Variants in DPEP3 observed in about 807,000 individuals in gnomAD.
The protein encoded by DPEP3 is membrane-bound dipeptidase 3.
A neutral mutation model predicts 47.5 loss-of-function variants in DPEP3; 42 were observed. That is an observed-to-expected ratio of 0.88 (90% CI 0.69 to 1.14). The LOEUF (loss-of-function observed/expected upper bound fraction) is 1.14, where lower values mean the gene tolerates loss of function less well. Ranked by LOEUF, DPEP3 falls within the 50% of genes most tolerant of loss-of-function variation. The pLI is 0.00. For synonymous variants in DPEP3, 276 were observed against 270.2 expected (o/e 1.02, Z -0.21); for missense variants, 560 against 635.0 (o/e 0.88, Z 1.27).
Position 67,978,354 on chromosome 16 carries a change from G to C in DPEP3, c.599C>G (p.Ser200Ter), listed in dbSNP as rs2031246916. ...ACLIGVEGGH[S>*]LDSSLSVLRS... ...CAGCACAGAGAGGCTGCTGTCCAGT[G>C]AGTGACCACCCTCCACGCCAATGAG... Residue 200 changes from serine to a stop codon, truncating the protein, a stop_gained, in exon 4 of 10, where the codon TCA (serine) becomes TGA (stop). Transcript: ENST00000268793. LOFTEE classifies it high-confidence loss of function. This position sits in a 1 kb window ranked among gnomAD's most constrained non-coding sequence, Gnocchi z 4.4. The C allele has an allele frequency of 6.2e-7, 1 of 1,613,990 alleles. No individual in the cohort carries two copies. The highest frequency in any genetic ancestry group is 8.5e-7 in the Non-Finnish European group (1 of 1,179,964).
chr16:67,978,256 G>A lies in DPEP3; in HGVS notation c.686+11C>T. Reference sequence around the variant, plus strand: ...ATGCCATCTAGCATCCTGGCCAGGTGTTATGCTCACCATGGTGTACTGCAG... The same window carrying A: ...ATGCCATCTAGCATCCTGGCCAGGTATTATGCTCACCATGGTGTACTGCAG... On this transcript the variant is annotated intron_variant, in intron 4 of 9. Transcript: ENST00000268793. The surrounding 1 kb of genome is among the most constrained non-coding windows in gnomAD (Gnocchi z 4.4). 3 of 1,614,094 alleles carry A rather than the reference G, an allele frequency of 1.9e-6. No individual in the cohort carries two copies. The Admixed American group carries it at 5.0e-5, about 27-fold the overall frequency.
At chr16:67,979,954 A>C in intron 1 of DPEP3, 140 bp downstream of exon 1, 2 of 1,368,924 alleles carry the variant, frequency 1.5e-6, no homozygotes, top group Non-Finnish European at 2.0e-6. Context: ...AAGGGCACCC[A>C]TGGGTGATGG....
chr16:67,975,899 G>T lies in DPEP3; in HGVS notation c.1333C>A (p.Gln445Lys), dbSNP rs1232796858. The T allele has an allele frequency of 1.2e-6, 2 of 1,613,718 alleles. No individual in the cohort carries two copies. Among genetic ancestry groups the T allele is most frequent in the Non-Finnish European group, 1.7e-6 (2 of 1,179,848 alleles). Residue 445 changes from glutamine (Q) to lysine (K), a missense_variant, in exon 10 of 10, where the codon CAG becomes AAG. Physicochemically the swap from Gln to Lys is moderately conservative, Grantham distance 53 (BLOSUM62 1). Coordinates refer to ENST00000268793, the MANE Select transcript of DPEP3 (RefSeq NM_001370198.1). ...TTGGTCACCTCCAGATGAGTAGCCT[G>T]GTGTCCATTCTGAGGCACGAGGTGG... ...HSHLVPQNGHQATHLEVTKQP... is the reference protein window; with the variant it reads ...HSHLVPQNGHKATHLEVTKQP...
In DPEP3 at chr16:67,977,322, C is replaced by T; in HGVS notation, c.966G>A (p.Leu322=). 1 of 1,613,954 alleles carries T rather than the reference C, an allele frequency of 6.2e-7. No homozygotes were observed. Among genetic ancestry groups the T allele is most frequent in the Non-Finnish European group, 8.5e-7 (1 of 1,179,886 alleles). The part of the protein sequence containing the change: ...KKNGGIVMVT[L]SMGVLQCNLL... ...GGTTGCACTGCAGCACCCCCATGGA[C>T]AGTGTCACCATCACGATGCCACCGT... The change falls in exon 7 of 10, where the codon CTG becomes CTA. Residue 322 remains leucine, a synonymous_variant. Transcript: ENST00000268793.
At chr16:67,979,147 C>A (rs1278481985) in intron 2 of DPEP3, among the ~76,000 whole-genome samples, 2 of 152,070 alleles carry the variant, frequency 1.3e-5, no homozygotes, top group African/African-American at 2.4e-5. Context: ...TCTACTAAAA[C>A]TACAAAAATT....
rs1260897357 is a variant in DPEP3 at position 67,980,315 on chromosome 16, G to C, written c.66C>G (p.Leu22=). ...LSRRYLRRLL[L]LLLLLLLRQP... The stretch of plus-strand genomic sequence containing the variant: ...GCCGCAGCAGCAGCAGCAGTAGCAG[G>C]AGCAGCAGACGCCGCAGATACCGCC... Residue 22 remains leucine (L), a synonymous_variant, in exon 1 of 10, where the codon CTC becomes CTG. Transcript: ENST00000268793. 1.9e-6 allele frequency: 3 copies of C among 1,561,730 alleles called. No homozygotes were observed. The African/African-American group carries it at 4.1e-5, about 21-fold the overall frequency.
Position 67,978,113 on chromosome 16 carries a change from A to T in DPEP3, c.687-106T>A. On this transcript the variant is annotated intron_variant, in intron 4 of 9. Transcript: ENST00000268793. This position sits in a 1 kb window ranked among gnomAD's most constrained non-coding sequence, Gnocchi z 4.4. ...CATCCTGCTTCCAGAACAGGTGCAG[A>T]ACCAGCTGCTTTCTGGGATTGTGAG... is the stretch of plus-strand genomic sequence containing the variant. 6.4e-7 allele frequency: 1 copy of T among 1,574,728 alleles called. No homozygotes were observed. The highest frequency in any genetic ancestry group is 8.7e-7 in the Non-Finnish European group (1 of 1,147,836).
chr16:67,976,377 G>A (rs1442784341), intron 8 of DPEP3, 149 bp from the exon 9 acceptor site: 1 of 1,121,590 alleles, frequency 8.9e-7, no homozygotes, highest in Non-Finnish European at 1.2e-6. Flanking sequence ...TGGAGGACTG[G>A]GCTTCTGTAG....
Position 67,977,374 on chromosome 16 carries a change from CT to C in DPEP3, c.934-21del. On this transcript the variant is annotated intron_variant, in intron 6 of 9. Transcript: ENST00000268793. ...CTTCTTCTAGAGGGATAAAGGGATA[CT>C]CATCTCAGCCCTTCTGGCCTGAGAA... The C allele has an allele frequency of 6.2e-7, 1 of 1,610,498 alleles. No individual in the cohort carries two copies. Among genetic ancestry groups the C allele is most frequent in the Non-Finnish European group, 8.5e-7 (1 of 1,177,390 alleles).
chr16:67,976,440 G>C (rs1477976240), intron 8 of DPEP3, among the ~76,000 whole-genome samples: 3 of 152,246 alleles, frequency 2.0e-5, no homozygotes, highest in Non-Finnish European at 4.4e-5. Flanking sequence ...TAGGCTGGGA[G>C]TGGAGCATAT....
At position 67,980,247 on chromosome 16, in the gene DPEP3, G is replaced by A. The variant is rs373248489; in HGVS notation, c.134C>T (p.Ala45Val). 8.1e-6 allele frequency: 13 copies of A among 1,605,688 alleles called. No individual in the cohort carries two copies. The highest frequency in any genetic ancestry group is 1.1e-5 in the Non-Finnish European group (13 of 1,177,008). ...RAETTPGAPR[A>V]LSTLGSPSLF... The stretch of plus-strand genomic sequence containing the variant: ...GCTGGGGGAGCCCAGCGTGGAGAGG[G>A]CTCTGGGGGCGCCCGGCGTGGTCTC... Residue 45 changes from alanine (A) to valine (V), a missense_variant, in exon 1 of 10, where the codon GCC becomes GTC. Transcript: ENST00000268793.
intron 7 of DPEP3, among the ~76,000 whole-genome samples, 196 bp from the exon 8 acceptor site, chr16:67,976,971 G>C (rs1250740297): frequency 1.3e-5 from 2 of 152,190 alleles, no homozygotes; most frequent in Non-Finnish European, 2.9e-5. Context: ...TTCCTGCCCA[G>C]GAGCCACCCT....
chr16:67,978,683 C>A lies in DPEP3; in HGVS notation c.415-57G>T. The A allele has an allele frequency of 6.3e-7, 1 of 1,593,744 alleles. No individual in the cohort carries two copies. The highest frequency in any genetic ancestry group is 1.7e-5 in the Admixed American group (1 of 58,952). ...CCAGGGCGGTCTTCAACCCCCTAGG[C>A]CTGCCACTCCTGCCTCAGACCCCAT... On this transcript the variant is annotated intron_variant, in intron 2 of 9. Coordinates refer to ENST00000268793, the MANE Select transcript of DPEP3 (RefSeq NM_001370198.1). This position sits in a 1 kb window ranked among gnomAD's most constrained non-coding sequence, Gnocchi z 4.4.
At chr16:67,977,138 G>T in intron 7 of DPEP3, 132 bp downstream of exon 7, 1 of 744,494 alleles carries the variant, frequency 1.3e-6, no homozygotes, top group Non-Finnish European at 2.3e-6. Context: ...CTGAAGAGCT[G>T]TGTCTGCTGC....
rs748100729 is a variant in DPEP3 at position 67,977,766 on chromosome 16, A to G, written c.820T>C (p.Leu274=). The G allele has an allele frequency of 1.4e-5, 22 of 1,613,866 alleles. No homozygotes were observed. In the South Asian group the frequency reaches 2.2e-4, roughly 16 times the overall value. The change falls in exon 6 of 10, where the codon TTG becomes CTG. Residue 274 remains leucine (L), a synonymous_variant. Transcript: ENST00000268793. The part of the protein sequence containing the change: ...MIDLSYASDT[L]IRRVLEVSQA... ...GACACTTCCAGGACCCTTCTTATCA[A>G]GGTGTCCGATGCATAGGACAAATCT... is the stretch of plus-strand genomic sequence containing the variant.
In DPEP3 at chr16:67,977,953, C is replaced by G; in HGVS notation, c.741G>C (p.Leu247Phe). 1 of 1,613,956 alleles carries G rather than the reference C, an allele frequency of 6.2e-7. No individual in the cohort carries two copies. Among genetic ancestry groups the G allele is most frequent in the South Asian group, 1.1e-5 (1 of 91,072 alleles). Reference sequence around the variant, plus strand: ...GAGTCCTCACCTCACCAAAGCTTGTCAATCCGCTGACGTTGGTGTACATGT... The same window carrying G: ...GAGTCCTCACCTCACCAAAGCTTGTGAATCCGCTGACGTTGGTGTACATGT... ...RHHMYTNVSG[L>F]TSFGEKVVEE... is the part of the protein sequence containing the mutation. The change falls in exon 5 of 10, where the codon TTG becomes TTC. Residue 247 changes from leucine to phenylalanine, a missense_variant. By Grantham distance (22) the Leu-to-Phe change is conservative (BLOSUM62 0). Coordinates refer to ENST00000268793, the MANE Select transcript of DPEP3 (RefSeq NM_001370198.1).
Position 67,975,757 on chromosome 16 carries a change from C to G in DPEP3, c.*8G>C. The G allele has an allele frequency of 1.2e-6, 2 of 1,608,066 alleles. No homozygotes were observed. Among genetic ancestry groups the G allele is most frequent in the Non-Finnish European group, 1.7e-6 (2 of 1,177,214 alleles). On this transcript the variant is annotated 3_prime_UTR_variant, in exon 10 of 10. Transcript: ENST00000268793. ...TTGCCACAGTGACCTCTGCGGGGAC[C>G]GACTGTGTCAGCAGAGCCACTGGGT... is the stretch of plus-strand genomic sequence containing the variant.
Position 67,978,518 on chromosome 16 carries a change from C to G in DPEP3, c.523G>C (p.Glu175Gln). Reference protein sequence around the residue: ...HRMCASYSELELVTSAEGLNS... With the variant: ...HRMCASYSELQLVTSAEGLNS... ...CCACCTTCAGCTGAGGTCACAAGCT[C>G]GAGTTCAGAGTAGGAGGCACACATG... Residue 175 changes from glutamate to glutamine, a missense_variant, in exon 3 of 10, where the codon GAG becomes CAG. Coordinates refer to ENST00000268793, the MANE Select transcript of DPEP3 (RefSeq NM_001370198.1). The surrounding 1 kb of genome is among the most constrained non-coding windows in gnomAD (Gnocchi z 4.4). The G allele has an allele frequency of 6.2e-7, 1 of 1,614,104 alleles. No individual in the cohort carries two copies. The highest frequency in any genetic ancestry group is 8.5e-7 in the Non-Finnish European group (1 of 1,179,976).
intron 2 of DPEP3, among the ~76,000 whole-genome samples, chr16:67,979,410 A>C (rs1029692689): frequency 2.0e-5 from 3 of 152,222 alleles, no homozygotes; most frequent in Non-Finnish European, 2.9e-5. Flanking sequence ...GGCAGACCCC[A>C]CACTCACCAG....
Sources: allele counts gnomAD v4.1 joint callset (sites outside exome capture counted in the v4.1 genomes callset), GRCh38; gene constraint gnomAD v4.1.1; non-coding constraint Gnocchi (gnomAD v3.1); transcripts MANE v1.5; gene names NCBI Gene and HGNC (gene_info 2026-07-23, HGNC 2026-07-21).